SATB2: variants seen among roughly 807,000 people sequenced by gnomAD.
SATB2 encodes the protein SATB homeobox 2.
SATB2 carries 1 observed loss-of-function variant against 73.4 expected under a neutral mutation model. The ratio of observed to expected loss-of-function variants is 0.01; its 90% confidence interval spans 0.00 to 0.06. The LOEUF is 0.06. Ranked by LOEUF, SATB2 falls within the 10% of genes least tolerant of loss-of-function variation. SATB2 has a pLI of 1.00. For missense variants in SATB2, 459 were observed against 945.8 expected (o/e 0.49, Z 6.75); for synonymous variants, 397 against 367.0 (o/e 1.08, Z -0.93).
At chr2:199,443,419 G>A (rs1691876149) in intron 2 of SATB2, among the ~76,000 whole-genome samples, 1 of 151,654 alleles carries the variant, frequency 6.6e-6, no homozygotes, top group African/African-American at 2.4e-5. Context: ...TTTTCTTTGG[G>A]GAGTTTAACT....
intron 3 of SATB2, among the ~76,000 whole-genome samples, chr2:199,424,244 C>A (rs1159661621): frequency 1.3e-5 from 2 of 152,236 alleles, no homozygotes; most frequent in East Asian, 3.8e-4. Flanking sequence ...AAGAAACCTG[C>A]ATTTCAAAGT....
At chr2:199,274,164 C>T (rs1023867310) in intron 10 of SATB2, among the ~76,000 whole-genome samples, 9 of 152,138 alleles carry the variant, frequency 5.9e-5, no homozygotes, top group Non-Finnish European at 1.2e-4. Context: ...GGATCTTTTT[C>T]ATTTTAGAAT....
At chr2:199,441,781 C>T (rs1226892344) in intron 2 of SATB2, among the ~76,000 whole-genome samples, 6 of 152,168 alleles carry the variant, frequency 3.9e-5, no homozygotes, top group Non-Finnish European at 7.3e-5. Flanking sequence ...AAGTCAGGTC[C>T]GAAGGCTGAA....
intron 5 of SATB2, among the ~76,000 whole-genome samples, chr2:199,377,839 A>G (rs1320734920): frequency 6.6e-6 from 1 of 152,110 alleles, no homozygotes; most frequent in East Asian, 1.9e-4. Flanking sequence ...AAGATTTTAG[A>G]TGGAGAAGTG....
At chr2:199,359,430 T>C (rs1689074750) in intron 6 of SATB2, among the ~76,000 whole-genome samples, 1 of 152,220 alleles carries the variant, frequency 6.6e-6, no homozygotes, top group Non-Finnish European at 1.5e-5. Flanking sequence ...AAACATAGAA[T>C]GATTCTAACC....
At chr2:199,338,129 C>T (rs543161367) in intron 7 of SATB2, among the ~76,000 whole-genome samples, 18 of 151,390 alleles carry the variant, frequency 1.2e-4, no homozygotes, top group South Asian at 2.1e-4. Context: ...TTTAGGAGGC[C>T]GAGGCAGGCA....
chr2:199,294,391 T>C (rs998472661), intron 10 of SATB2, among the ~76,000 whole-genome samples: 4 of 152,212 alleles, frequency 2.6e-5, no homozygotes, highest in Admixed American at 1.3e-4. Context: ...TGAAGATCTA[T>C]TGAAGAATTG....
intron 5 of SATB2, among the ~76,000 whole-genome samples, chr2:199,371,324 T>G (rs1471332898): frequency 3.9e-5 from 6 of 152,108 alleles, no homozygotes; most frequent in African/African-American, 9.7e-5. Context: ...GATGTTAGTG[T>G]CCATTAAATA....
intron 10 of SATB2, among the ~76,000 whole-genome samples, chr2:199,274,697 T>C (rs1335748188): frequency 6.6e-6 from 1 of 152,202 alleles, no homozygotes; most frequent in Non-Finnish European, 1.5e-5. Flanking sequence ...TGAATGTTCT[T>C]AGCATTTTCC....
chr2:199,326,495 T>A (rs558914579), intron 8 of SATB2, among the ~76,000 whole-genome samples: 1 of 152,216 alleles, frequency 6.6e-6, no homozygotes, highest in East Asian at 1.9e-4. Flanking sequence ...CTATTAGGTC[T>A]TTGAAAAGGT....
intron 6 of SATB2, among the ~76,000 whole-genome samples, chr2:199,363,352 G>A (rs1192112784): frequency 6.6e-6 from 1 of 152,236 alleles, no homozygotes; most frequent in Admixed American, 6.5e-5. Context: ...GACGACATGA[G>A]TAGAACTGGA....
chr2:199,321,773 T>C (rs76772961), intron 9 of SATB2, among the ~76,000 whole-genome samples: 1 of 149,620 alleles, frequency 6.7e-6, no homozygotes, highest in Non-Finnish European at 1.5e-5. Context: ...GTATCATTTT[T>C]AAAAAAAAAA....
chr2:199,419,380 C>T (rs1288122307), intron 3 of SATB2, among the ~76,000 whole-genome samples: 1 of 152,216 alleles, frequency 6.6e-6, no homozygotes, highest in African/African-American at 2.4e-5. Context: ...TTCTAAATGG[C>T]ACCCCCAGTG....
At chr2:199,356,269 C>A (rs1472644806) in intron 6 of SATB2, among the ~76,000 whole-genome samples, 2 of 149,574 alleles carry the variant, frequency 1.3e-5, no homozygotes, top group African/African-American at 5.0e-5. Flanking sequence ...AAGACGACGG[C>A]AGAATTTCTC....
chr2:199,386,295 A>G (rs1689930096), intron 3 of SATB2, among the ~76,000 whole-genome samples: 1 of 152,202 alleles, frequency 6.6e-6, no homozygotes, highest in South Asian at 2.1e-4. Flanking sequence ...AGATTTTGGA[A>G]CATTTCAGAT....
At chr2:199,416,770 C>T (rs1426584887) in intron 3 of SATB2, among the ~76,000 whole-genome samples, 1 of 152,180 alleles carries the variant, frequency 6.6e-6, no homozygotes, top group South Asian at 2.1e-4. Context: ...AGTGCGGTGA[C>T]TCACACCTGT....
rs568869625 is a variant in SATB2 at position 199,270,688 on chromosome 2, T to G, written c.*1523A>C. 2.0e-5 allele frequency: 3 copies of G among 152,468 alleles called. No homozygotes were observed. The East Asian group carries it at 5.6e-4, about 29-fold the overall frequency. The allele number at this position is 152,468 out of a possible 1,614,324, so 9.4% of individuals were successfully genotyped here. A position where few individuals can be genotyped will look rare whatever the true frequency, so the allele number is the denominator to read the frequency against. On this transcript the variant is annotated 3_prime_UTR_variant, in exon 11 of 11. Coordinates refer to ENST00000417098, the MANE Select transcript of SATB2 (RefSeq NM_001172509.2). ...AAGCCGAAAGAGATCTGGAGTACTATAGTAGATTGCAGCTTTAATGCTCAT... is the reference window on the plus strand; with the variant it reads ...AAGCCGAAAGAGATCTGGAGTACTAGAGTAGATTGCAGCTTTAATGCTCAT...
chr2:199,388,725 T>C (rs1559023445), intron 3 of SATB2, among the ~76,000 whole-genome samples: 1 of 151,742 alleles, frequency 6.6e-6, no homozygotes, highest in African/African-American at 2.4e-5. Context: ...GGTTTGTATA[T>C]CTCATAACTC....
At chr2:199,397,284 T>A (rs935895993) in intron 3 of SATB2, among the ~76,000 whole-genome samples, 1 of 152,250 alleles carries the variant, frequency 6.6e-6, no homozygotes, top group Non-Finnish European at 1.5e-5. Flanking sequence ...TAGAGAAAAA[T>A]AGTATATTAA....
Sources: allele counts gnomAD v4.1 joint callset (sites outside exome capture counted in the v4.1 genomes callset), GRCh38; gene constraint gnomAD v4.1.1; transcripts MANE v1.5; gene names NCBI Gene and HGNC (gene_info 2026-07-23, HGNC 2026-07-21).